NT5C2: variants seen among roughly 807,000 people sequenced by gnomAD.
NT5C2 encodes 5'-nucleotidase, cytosolic II, also known as cytosolic purine 5'-nucleotidase.
NT5C2 carries 58 observed loss-of-function variants against 76.1 expected under a neutral mutation model. The ratio of observed to expected loss-of-function variants is 0.76; its 90% CI spans 0.62 to 0.95. The LOEUF (loss-of-function observed/expected upper bound fraction) is 0.95. Among genes scored for constraint, NT5C2 ranks in the 40% least tolerant of loss-of-function variants. The pLI, the probability that NT5C2 is intolerant of heterozygous loss-of-function variation, is 0.00. For synonymous variants in NT5C2, 229 were observed against 237.4 expected, an observed-to-expected ratio of 0.96 and a Z score of 0.32; for missense variants, 478 against 690.3, an observed-to-expected ratio of 0.69 and a Z score of 3.45.
At chr10:103,113,550 G>A (rs1363532396) in intron 4 of NT5C2, among the ~76,000 whole-genome samples, 1 of 151,760 alleles carries the variant, frequency 6.6e-6, no homozygotes, top group Non-Finnish European at 1.5e-5. Flanking sequence ...CTATACTAAA[G>A]TTAGAAGAAT....
intron 3 of NT5C2, among the ~76,000 whole-genome samples, chr10:103,156,483 C>T (rs2083406349): frequency 6.6e-6 from 1 of 152,022 alleles, no homozygotes; most frequent in African/African-American, 2.4e-5. Flanking sequence ...GGCCACGTGC[C>T]GTGGCTCATG....
intron 4 of NT5C2, among the ~76,000 whole-genome samples, chr10:103,137,076 A>T (rs1484504485): frequency 6.6e-6 from 1 of 152,190 alleles, no homozygotes. Flanking sequence ...ATGTAAAGAG[A>T]TTGTCTTAAT....
chr10:103,119,099 G>C (rs1170723589), intron 4 of NT5C2, among the ~76,000 whole-genome samples: 1 of 152,170 alleles, frequency 6.6e-6, no homozygotes, highest in African/African-American at 2.4e-5. Flanking sequence ...GCCGGGCACA[G>C]TGGCTCACAC....
At chr10:103,168,210 G>C (rs1225328957) in intron 3 of NT5C2, among the ~76,000 whole-genome samples, 1 of 151,672 alleles carries the variant, frequency 6.6e-6, no homozygotes, top group African/African-American at 2.4e-5. Context: ...TAAGGCAAAA[G>C]ACTGGTTAAC....
intron 6 of NT5C2, among the ~76,000 whole-genome samples, chr10:103,101,712 A>T (rs1037609742): frequency 6.6e-6 from 1 of 152,128 alleles, no homozygotes; most frequent in Non-Finnish European, 1.5e-5. Context: ...TATAATTATA[A>T]GGTAAAAAAT....
At chr10:103,161,406 G>C (rs560386674) in intron 3 of NT5C2, among the ~76,000 whole-genome samples, 1 of 151,958 alleles carries the variant, frequency 6.6e-6, no homozygotes, top group South Asian at 2.1e-4. Context: ...TCAAACTCCT[G>C]GTATTATGAT....
chr10:103,159,296 T>C (rs1337393605), intron 3 of NT5C2, among the ~76,000 whole-genome samples: 7 of 128,368 alleles, frequency 5.5e-5, no homozygotes, highest in Non-Finnish European at 1.0e-4. Context: ...CACACACAAT[T>C]AGAGCTAATA....
At chr10:103,136,736 C>G (rs1459476158) in intron 4 of NT5C2, among the ~76,000 whole-genome samples, 1 of 151,886 alleles carries the variant, frequency 6.6e-6, no homozygotes, top group East Asian at 1.9e-4. Context: ...GCGGTTCTCC[C>G]ACCTCAGCCT....
intron 3 of NT5C2, among the ~76,000 whole-genome samples, chr10:103,166,257 G>A (rs1424482817): frequency 3.3e-5 from 5 of 152,102 alleles, no homozygotes; most frequent in Non-Finnish European, 5.9e-5. Flanking sequence ...TATTCCTTGT[G>A]CTACCCTTTT....
chr10:103,122,928 C>T (rs1169410669), intron 4 of NT5C2, among the ~76,000 whole-genome samples: 7 of 152,212 alleles, frequency 4.6e-5, no homozygotes, highest in Non-Finnish European at 7.3e-5. Flanking sequence ...CAGGTTTACT[C>T]ATTTCTCCAG....
intron 4 of NT5C2, among the ~76,000 whole-genome samples, chr10:103,110,218 G>A (rs2072599810): frequency 1.3e-5 from 2 of 152,136 alleles, no homozygotes; most frequent in South Asian, 4.1e-4. Flanking sequence ...CACTTTGGGA[G>A]GCCGGGGCGT....
intron 1 of NT5C2, among the ~76,000 whole-genome samples, chr10:103,185,943 C>A (rs185712018): frequency 1.9e-4 from 29 of 152,252 alleles, no homozygotes; most frequent in Non-Finnish European, 3.5e-4. Context: ...AACATAATAA[C>A]AGCTGACATT....
intron 1 of NT5C2, among the ~76,000 whole-genome samples, chr10:103,186,711 G>A (rs1216080468): frequency 1.3e-5 from 2 of 150,850 alleles, no homozygotes; most frequent in Non-Finnish European, 3.0e-5. Context: ...TACAGAGATC[G>A]AGACCATCCT....
intron 3 of NT5C2, among the ~76,000 whole-genome samples, chr10:103,158,743 A>C (rs2084017411): frequency 6.6e-6 from 1 of 151,626 alleles, no homozygotes; most frequent in South Asian, 2.1e-4. Flanking sequence ...GCTTTAACCC[A>C]GGAGGCGGAG....
chr10:103,118,309 G>C (rs1222180885), intron 4 of NT5C2, among the ~76,000 whole-genome samples: 1 of 150,790 alleles, frequency 6.6e-6, no homozygotes, highest in Non-Finnish European at 1.5e-5. Context: ...AGTCTAATCA[G>C]AACATTGATA....
At chr10:103,191,258 T>C (rs2092615550) in intron 1 of NT5C2, among the ~76,000 whole-genome samples, 1 of 151,988 alleles carries the variant, frequency 6.6e-6, no homozygotes, top group African/African-American at 2.4e-5. Flanking sequence ...GGCGCATGCC[T>C]GTAATCCCAG....
chr10:103,129,758 T>G (rs867621488), intron 4 of NT5C2, among the ~76,000 whole-genome samples: 11 of 44,324 alleles, frequency 2.5e-4, no homozygotes, highest in South Asian at 8.9e-4. Context: ...GAGGTGGGGG[T>G]GTCAGCCCCC....
In NT5C2 at chr10:103,107,665, T is replaced by A. The variant is rs148437984; in HGVS notation, c.176-959A>T. ...TCCAGCCTGGGTGACAGAGCGAGAC[T>A]CTGTCTAAAAAAAAAAAATATGCAA... On this transcript the variant is annotated intron_variant, in intron 4 of 18. Transcript: ENST00000404739. 3.6e-3 allele frequency among the ~76,000 whole-genome samples: 543 copies of A among 151,336 alleles called. 3 individuals carry two copies. The highest frequency in any genetic ancestry group is 0.013 in the African/African-American group (529 of 41,194).
Position 103,163,860 on chromosome 10 carries a change from C to CA in NT5C2, c.101+10997dup, listed in dbSNP as rs1156583063. The stretch of plus-strand genomic sequence containing the variant: ...AGTGAAACCGTCTCTACTAAAAATA[C>CA]AAAAAAAAAACAAAAAAAAAAAAAC... On this transcript the variant is annotated intron_variant, in intron 3 of 18. Transcript: ENST00000404739. Among the ~76,000 whole-genome samples, 385 of 50,306 alleles carry CA rather than the reference C, an allele frequency of 7.7e-3. 4 individuals carry two copies. The highest frequency in any genetic ancestry group is 0.018 in the African/African-American group (239 of 12,944). 33.0% of individuals were successfully genotyped at this position (50,306 alleles called of 152,430 possible).
Sources: gnomAD v4.1 joint callset for allele counts (sites outside exome capture counted in the v4.1 genomes callset) on GRCh38, gnomAD v4.1.1 for gene constraint, MANE v1.5 for transcripts, NCBI Gene and HGNC (gene_info 2026-07-23, HGNC 2026-07-21) for gene names.